The following PROX1 variants were observed in gnomAD, a reference collection of about 807,000 sequenced individuals.
The protein encoded by PROX1 is prospero homeobox 1.
In PROX1, 7 loss-of-function variants were observed where a neutral mutation model predicts 58.8. That is an observed-to-expected ratio of 0.12 (90% confidence interval 0.07 to 0.22). The LOEUF (loss-of-function observed/expected upper bound fraction) is 0.22, where lower values mean the gene tolerates loss of function less well. PROX1 is among the 10% of genes least tolerant of loss of function. The pLI, the probability that PROX1 is intolerant of heterozygous loss-of-function variation, is 1.00. For synonymous variants in PROX1, 350 were observed against 358.3 expected, an observed-to-expected ratio of 0.98 and a Z score of 0.26; for missense variants, 675 against 927.8, an observed-to-expected ratio of 0.73 and a Z score of 3.54.
chr1:214,018,313 C>T (rs1236300815), intron 4 of PROX1, among the ~76,000 whole-genome samples: 16 of 152,222 alleles, frequency 1.1e-4, no homozygotes, highest in Admixed American at 1.0e-3. Flanking sequence ...TACAATAATA[C>T]AGTTTTTGCT....
intron 1 of PROX1, among the ~76,000 whole-genome samples, chr1:213,995,999 G>A (rs975625967): frequency 2.6e-5 from 4 of 152,012 alleles, no homozygotes; most frequent in East Asian, 1.9e-4. Flanking sequence ...CTTTAATAGC[G>A]TTAAAACCAC....
intron 4 of PROX1, among the ~76,000 whole-genome samples, chr1:214,021,600 A>G (rs1199231539): frequency 6.6e-6 from 1 of 152,236 alleles, no homozygotes; most frequent in Non-Finnish European, 1.5e-5. Context: ...TACAGTTACT[A>G]ACTCACACAG....
chr1:214,011,407 C>T (rs190916215), intron 3 of PROX1, 114 bp from the exon 4 acceptor site: 71 of 946,056 alleles, frequency 7.5e-5, no homozygotes, highest in East Asian at 3.7e-4. Context: ...GAGTTAAATA[C>T]GTATCTTTCC....
intron 1 of PROX1, among the ~76,000 whole-genome samples, chr1:213,990,059 G>C (rs574790535): frequency 2.1e-4 from 32 of 151,162 alleles, no homozygotes; most frequent in African/African-American, 6.1e-4. Flanking sequence ...GAAGCACAGG[G>C]TGGCCTCCTC....
intron 4 of PROX1, among the ~76,000 whole-genome samples, chr1:214,020,864 T>C (rs1415267688): frequency 1.3e-5 from 2 of 152,238 alleles, no homozygotes; most frequent in African/African-American, 4.8e-5. Flanking sequence ...CCATGAATTG[T>C]AATTTGAAAT....
chr1:213,991,619 C>A (rs943562771), intron 1 of PROX1, among the ~76,000 whole-genome samples: 1 of 152,192 alleles, frequency 6.6e-6, no homozygotes, highest in Non-Finnish European at 1.5e-5. Flanking sequence ...AAAAAAAAGT[C>A]ATGCATACAT....
rs116789934 is a variant in PROX1 at position 213,993,374 on chromosome 1, G to T, written c.-67-3095G>T. Among the ~76,000 whole-genome samples, 966 of 152,188 alleles carry T rather than the reference G, an allele frequency of 6.3e-3. 10 individuals carry two copies. The highest frequency in any genetic ancestry group is 0.022 in the African/African-American group (921 of 41,522). On this transcript the variant is annotated intron_variant, in intron 1 of 4. Transcript: ENST00000366958. ...ATGATATGCATCAATAATAATTGCA[G>T]GTGAAACATGATAGCTTAATACATA...
chr1:213,997,910 G>A lies in PROX1; in HGVS notation c.1375G>A (p.Gly459Ser). ...DQSASGPAAG[G>S]HHQPLHQSPL... ...GTCTGCCTCCGGCCCTGCCGCTGGC[G>A]GCCACCACCAGCCCCTGCACCAGTC... Residue 459 changes from glycine to serine, a missense_variant, in exon 2 of 5, where the codon GGC (glycine) becomes AGC (serine). Transcript: ENST00000366958. This position sits in a 1 kb window ranked among gnomAD's most constrained non-coding sequence, Gnocchi z 7.1. The A allele has an allele frequency of 6.2e-7, 1 of 1,612,732 alleles. No individual in the cohort carries two copies. Among genetic ancestry groups the A allele is most frequent in the Non-Finnish European group, 8.5e-7 (1 of 1,179,282 alleles).
chr1:214,024,727 C>G (rs574213855), intron 4 of PROX1, among the ~76,000 whole-genome samples: 1 of 152,156 alleles, frequency 6.6e-6, no homozygotes, highest in Admixed American at 6.5e-5. Context: ...AAAACAATCA[C>G]GTAATACATT....
intron 2 of PROX1, among the ~76,000 whole-genome samples, chr1:213,999,622 A>T: frequency 6.6e-6 from 1 of 152,126 alleles, no homozygotes; most frequent in East Asian, 1.9e-4. Context: ...AGTCTCTCTT[A>T]TACTGAGCAA....
chr1:213,985,522 G>C (rs902144380), upstream of PROX1: 1 of 152,246 alleles, frequency 6.6e-6, no homozygotes, highest in African/African-American at 2.4e-5. Flanking sequence ...GCCCTAATGC[G>C]GGCTGCGAAC....
In PROX1 at chr1:214,038,465, A is replaced by C. The variant is rs1182599997; in HGVS notation, c.*2631A>C. ...AGTGAAAATTGGCTACTTGGGAGAA[A>C]GTTAACTTTCTATGGTGGGATGGTG... On this transcript the variant is annotated 3_prime_UTR_variant, in exon 5 of 5. Coordinates refer to ENST00000366958, the MANE Select transcript of PROX1 (RefSeq NM_001270616.2). 6.6e-6 allele frequency: 1 copy of C among 152,030 alleles called. No homozygotes were observed. Among genetic ancestry groups the C allele is most frequent in the Non-Finnish European group, 1.5e-5 (1 of 68,000 alleles). 9.4% of individuals were successfully genotyped at this position (152,030 alleles called of 1,614,324 possible).
chr1:214,032,552 C>T (rs1571846666), intron 4 of PROX1, among the ~76,000 whole-genome samples: 1 of 152,218 alleles, frequency 6.6e-6, no homozygotes, highest in East Asian at 1.9e-4. Flanking sequence ...TGCCACCACA[C>T]CCAGCTAATT....
intron 4 of PROX1, among the ~76,000 whole-genome samples, chr1:214,021,677 C>T (rs1664285206): frequency 6.6e-6 from 1 of 152,188 alleles, no homozygotes; most frequent in South Asian, 2.1e-4. Flanking sequence ...CCCAATGGGA[C>T]TTTTTTGATT....
intron 4 of PROX1, among the ~76,000 whole-genome samples, chr1:214,013,914 G>T (rs528988200): frequency 6.6e-6 from 1 of 152,166 alleles, no homozygotes; most frequent in African/African-American, 2.4e-5. Flanking sequence ...TCAGTGAAAA[G>T]AAGGGAAGAA....
rs1184089479 is a variant in PROX1 at position 214,026,044 on chromosome 1, T to C, written c.2029-9605T>C. 2.0e-5 allele frequency among the ~76,000 whole-genome samples: 3 copies of C among 152,232 alleles called. No homozygotes were observed. The East Asian group carries it at 5.8e-4, about 29-fold the overall frequency. On this transcript the variant is annotated intron_variant, in intron 4 of 4. Coordinates refer to ENST00000366958, the MANE Select transcript of PROX1 (RefSeq NM_001270616.2). ...CAGATGAGCAATTTCTGCACAGTGC[T>C]TCCAGTTGTTTTTAAGATCTTAACA...
intron 4 of PROX1, among the ~76,000 whole-genome samples, chr1:214,032,929 A>C (rs987119796): frequency 3.7e-4 from 56 of 152,222 alleles, no homozygotes; most frequent in African/African-American, 1.4e-3. Flanking sequence ...GACGAACTAT[A>C]AAAATGATGA....
At chr1:214,014,278 C>G (rs1215521947) in intron 4 of PROX1, among the ~76,000 whole-genome samples, 2 of 152,298 alleles carry the variant, frequency 1.3e-5, no homozygotes, top group East Asian at 3.9e-4. Context: ...TAAGTTTCTC[C>G]TCTTAAGGTC....
rs534236648 is a variant in PROX1 at position 214,036,753 on chromosome 1, A to G, written c.*919A>G. 107 of 152,330 alleles carry G rather than the reference A, an allele frequency of 7.0e-4. 1 individual carries two copies. Among genetic ancestry groups the G allele is most frequent in the African/African-American group, 2.2e-3 (93 of 41,586 alleles). 9.4% of individuals were successfully genotyped at this position (152,330 alleles called of 1,614,324 possible). A position where few individuals can be genotyped will look rare whatever the true frequency, so the allele number is the denominator to read the frequency against. On this transcript the variant is annotated 3_prime_UTR_variant, in exon 5 of 5. Coordinates refer to ENST00000366958, the MANE Select transcript of PROX1 (RefSeq NM_001270616.2). ...TGTTTACTTAACAATTTTTTCCCCT[A>G]AAATACTATTTTCTGAATACTTCCT...
Sources: allele counts gnomAD v4.1 joint callset (sites outside exome capture counted in the v4.1 genomes callset), GRCh38; gene constraint gnomAD v4.1.1; non-coding constraint Gnocchi (gnomAD v3.1); transcripts MANE v1.5; gene names NCBI Gene and HGNC (gene_info 2026-07-23, HGNC 2026-07-21).